Variants in AKT3 observed in about 807,000 individuals in gnomAD.
AKT3 encodes AKT serine/threonine kinase 3, also known as RAC-gamma serine/threonine-protein kinase.
AKT3 carries 15 observed loss-of-function variants against 65.3 expected under a neutral mutation model. The observed-to-expected ratio is 0.23, with a 90% confidence interval of 0.15 to 0.35. The LOEUF (loss-of-function observed/expected upper bound fraction) is 0.35, where lower values mean the gene tolerates loss of function less well. AKT3 is among the 10% of genes least tolerant of loss of function. The probability of loss-of-function intolerance (pLI) is 1.00; values close to 1 mark genes in which losing one functional copy is unlikely to be tolerated. For missense variants in AKT3, 243 were observed against 576.5 expected, an observed-to-expected ratio of 0.42 and a Z score of 5.92; for synonymous variants, 206 against 183.8, an observed-to-expected ratio of 1.12 and a Z score of -0.98.
chr1:243,529,020 C>A (rs768607280), intron 12 of AKT3, among the ~76,000 whole-genome samples: 1 of 152,064 alleles, frequency 6.6e-6, no homozygotes, highest in Non-Finnish European at 1.5e-5. Context: ...TGGTATCTCA[C>A]AGTGGTTTTA....
At chr1:243,628,124 A>G (rs1185240806) in intron 6 of AKT3, among the ~76,000 whole-genome samples, 1 of 152,218 alleles carries the variant, frequency 6.6e-6, no homozygotes, top group Non-Finnish European at 1.5e-5. Context: ...GCTCCCGGGC[A>G]TTAACTGCAA....
At chr1:243,563,604 A>C (rs188403410) in intron 10 of AKT3, 116 bp downstream of exon 10, 9 of 1,300,330 alleles carry the variant, frequency 6.9e-6, no homozygotes, top group African/African-American at 4.5e-5. Context: ...ATTTTGATTC[A>C]GGTTGAAATA....
At chr1:243,835,052 C>A (rs528259754) in intron 2 of AKT3, among the ~76,000 whole-genome samples, 8 of 152,196 alleles carry the variant, frequency 5.3e-5, no homozygotes, top group Non-Finnish European at 1.0e-4. Context: ...CCTACATAGA[C>A]TGTAATAAAT....
intron 13 of AKT3, chr1:243,488,893 T>A: frequency 7.0e-7 from 1 of 1,425,168 alleles, no homozygotes; most frequent in Non-Finnish European, 9.8e-7. Context: ...CACCTCAGGG[T>A]CACCCTAGGC....
chr1:243,672,190 T>C (rs768992915), intron 3 of AKT3, among the ~76,000 whole-genome samples: 3 of 152,220 alleles, frequency 2.0e-5, no homozygotes, highest in Admixed American at 6.5e-5. Context: ...GACATCTCGT[T>C]TCTCCAGGTA....
intron 2 of AKT3, among the ~76,000 whole-genome samples, chr1:243,815,431 G>A (rs1049877826): frequency 1.1e-4 from 17 of 151,946 alleles, no homozygotes; most frequent in African/African-American, 1.7e-4. Context: ...TTAAGCCCTC[G>A]AGCAAAGCCT....
intron 3 of AKT3, among the ~76,000 whole-genome samples, chr1:243,685,644 A>T (rs1572168291): frequency 6.6e-6 from 1 of 152,050 alleles, no homozygotes; most frequent in East Asian, 1.9e-4. Context: ...TTGGCTTAGG[A>T]TTGTTTTGGC....
chr1:243,778,996 G>A (rs1178176282), intron 2 of AKT3, among the ~76,000 whole-genome samples: 1 of 150,598 alleles, frequency 6.6e-6, no homozygotes, highest in Admixed American at 6.6e-5. Flanking sequence ...TTGTATTGCT[G>A]TACCATGATT....
chr1:243,553,726 T>C (rs1673228179), intron 10 of AKT3, among the ~76,000 whole-genome samples: 1 of 152,166 alleles, frequency 6.6e-6, no homozygotes, highest in Admixed American at 6.6e-5. Flanking sequence ...AAGTATCCGT[T>C]TGCCTATGCT....
intron 1 of AKT3, 61 bp from the exon 2 acceptor site, chr1:243,843,343 C>T: frequency 1.5e-6 from 2 of 1,335,866 alleles, no homozygotes; most frequent in Admixed American, 6.7e-5. Context: ...AGAGCAATAA[C>T]AAACAACTAA....
At chr1:243,806,389 C>T (rs1041785053) in intron 2 of AKT3, among the ~76,000 whole-genome samples, 15 of 152,170 alleles carry the variant, frequency 9.9e-5, no homozygotes, top group African/African-American at 3.4e-4. Context: ...GGTCCCAGTT[C>T]AGAATGTCAG....
chr1:243,533,137 G>A (rs924210546), intron 12 of AKT3, among the ~76,000 whole-genome samples: 7 of 151,910 alleles, frequency 4.6e-5, no homozygotes, highest in African/African-American at 2.4e-5. Flanking sequence ...TTCAATTATC[G>A]ATTTCATTTA....
chr1:243,621,817 T>TCC lies in AKT3; in HGVS notation c.562-6658_562-6657dup, dbSNP rs555378282. ...ACAATGATCTCCAACTCCTTTTTTT[T>TCC]CCCACTCATACTCTACATTCAATCT... is the stretch of plus-strand genomic sequence containing the variant. On this transcript the variant is annotated intron_variant, in intron 6 of 13. Transcript: ENST00000673466. 2.9e-3 allele frequency among the ~76,000 whole-genome samples: 434 copies of TCC among 152,272 alleles called. 2 individuals carry two copies. Among genetic ancestry groups the TCC allele is most frequent in the Middle Eastern group, 0.01 (3 of 294 alleles).
chr1:243,828,184 T>G (rs531585191), intron 2 of AKT3, among the ~76,000 whole-genome samples: 1 of 152,276 alleles, frequency 6.6e-6, no homozygotes, highest in East Asian at 1.9e-4. Context: ...GTCAAACTAG[T>G]AATATTCTAC....
In AKT3 at chr1:243,636,838, T is replaced by C. The variant is rs142569922; in HGVS notation, c.561+773A>G. On this transcript the variant is annotated intron_variant, in intron 6 of 13. Transcript: ENST00000673466. ...TCTTTCCAATAGGGGCATTGACTTGTAAAGGAGTTGAGGTCAAAACAAATG... is the reference window on the plus strand; with the variant it reads ...TCTTTCCAATAGGGGCATTGACTTGCAAAGGAGTTGAGGTCAAAACAAATG... 3.7e-3 allele frequency among the ~76,000 whole-genome samples: 557 copies of C among 152,212 alleles called. 4 individuals carry two copies. The highest frequency in any genetic ancestry group is 0.013 in the African/African-American group (528 of 41,526).
chr1:243,849,246 C>T (rs554936588), intron 1 of AKT3, among the ~76,000 whole-genome samples: 1 of 152,330 alleles, frequency 6.6e-6, no homozygotes, highest in African/African-American at 2.4e-5. Flanking sequence ...CCGCCGCCGC[C>T]AGCAGCGACA....
At chr1:243,771,629 T>C (rs1457594294) in intron 2 of AKT3, among the ~76,000 whole-genome samples, 2 of 152,158 alleles carry the variant, frequency 1.3e-5, no homozygotes, top group African/African-American at 4.8e-5. Flanking sequence ...TAGAACTGAA[T>C]ATTGTAGTTG....
intron 12 of AKT3, among the ~76,000 whole-genome samples, chr1:243,519,699 A>G (rs3006940): frequency 0.35 from 53,030 of 151,968 alleles, 12,198 homozygotes; most frequent in African/African-American, 0.66. Context: ...GGGGTATTTC[A>G]TGAGAGCTTT....
intron 2 of AKT3, among the ~76,000 whole-genome samples, chr1:243,804,560 T>C (rs1295870049): frequency 1.3e-5 from 2 of 152,164 alleles, no homozygotes; most frequent in East Asian, 1.9e-4. Context: ...GAATACAATA[T>C]ACATGGCCGG....
Sources: gnomAD v4.1 joint callset for allele counts (sites outside exome capture counted in the v4.1 genomes callset) on GRCh38, gnomAD v4.1.1 for gene constraint, MANE v1.5 for transcripts, NCBI Gene and HGNC (gene_info 2026-07-23, HGNC 2026-07-21) for gene names.